Variants in CRAMP1 observed in about 807,000 individuals in gnomAD.
CRAMP1 encodes cramped chromatin regulator 1, also known as protein cramped-like.
In CRAMP1, 50 loss-of-function variants were observed where a neutral mutation model predicts 115.4. That is an observed-to-expected ratio of 0.43 (90% CI 0.35 to 0.55). The LOEUF is 0.55. CRAMP1 is among the 20% of genes least tolerant of loss of function. The probability of loss-of-function intolerance (pLI) is 0.01; values close to 1 mark genes in which losing one functional copy is unlikely to be tolerated. For synonymous variants in CRAMP1, 866 were observed against 745.4 expected (o/e 1.16, Z -2.64); for missense variants, 1,679 against 1,721.7 (o/e 0.98, Z 0.44).
intron 2 of CRAMP1, among the ~76,000 whole-genome samples, chr16:1,621,024 G>C (rs541368429): frequency 6.6e-6 from 1 of 152,260 alleles, no homozygotes; most frequent in South Asian, 2.1e-4. Context: ...GGAAGAAGCA[G>C]GGCATTTGAA....
intron 16 of CRAMP1, among the ~76,000 whole-genome samples, 161 bp from the exon 17 acceptor site, chr16:1,667,174 T>G (rs751604814): frequency 3.3e-5 from 5 of 152,230 alleles, no homozygotes; most frequent in Admixed American, 6.5e-5. Flanking sequence ...AAAGTAGCCT[T>G]TCAGTGTTCT....
rs1275540838 is a variant in CRAMP1, at chr16:1,632,238, G to C, written c.567G>C (p.Gln189His). 1 of 1,570,138 alleles carries C rather than the reference G, an allele frequency of 6.4e-7. No individual in the cohort carries two copies. Among genetic ancestry groups the C allele is most frequent in the Non-Finnish European group, 8.6e-7 (1 of 1,158,622 alleles). Reference sequence around the variant, plus strand: ...ATGGGAAAGACTTTGAAGCGATTCAGAACAACATTGCGCTGAAGTACAAGA... The same window carrying C: ...ATGGGAAAGACTTTGAAGCGATTCACAACAACATTGCGCTGAAGTACAAGA... The part of the protein sequence containing the change: ...YEHGKDFEAI[Q>H]NNIALKYKKK... The change falls in exon 4 of 21, where the codon CAG becomes CAC. Residue 189 changes from glutamine (Q) to histidine (H), a missense_variant. Gln to His is a conservative substitution (Grantham distance 24). Coordinates refer to ENST00000397412, the MANE Select transcript of CRAMP1 (RefSeq NM_020825.4).
chr16:1,616,556 C>G (rs572962982), intron 2 of CRAMP1, among the ~76,000 whole-genome samples: 3 of 152,152 alleles, frequency 2.0e-5, no homozygotes, highest in African/African-American at 7.2e-5. Context: ...CGTTAGTGAT[C>G]AGGTCAATTT....
At chr16:1,650,582 C>G (rs1016208939) in intron 6 of CRAMP1, among the ~76,000 whole-genome samples, 4 of 152,194 alleles carry the variant, frequency 2.6e-5, no homozygotes, top group Non-Finnish European at 5.9e-5. Flanking sequence ...GTGTGTCTTT[C>G]TGAATTTTTT....
At chr16:1,663,752 A>C (rs985559757) in intron 13 of CRAMP1, among the ~76,000 whole-genome samples, 2 of 152,164 alleles carry the variant, frequency 1.3e-5, no homozygotes, top group African/African-American at 4.8e-5. Flanking sequence ...AGCCCTTGGC[A>C]ACCACGGATC....
intron 1 of CRAMP1, among the ~76,000 whole-genome samples, chr16:1,612,910 C>T (rs907969773): frequency 6.6e-6 from 1 of 152,002 alleles, no homozygotes; most frequent in African/African-American, 2.4e-5. Context: ...GGAGGCCATC[C>T]CCCTGCTTGT....
At chr16:1,613,908 C>T (rs11640775) in intron 1 of CRAMP1, among the ~76,000 whole-genome samples, 25,213 of 152,086 alleles carry the variant, frequency 0.17, 2,685 homozygotes, top group South Asian at 0.25. Flanking sequence ...CCCAGAGACC[C>T]GGAGCTGATT....
At chr16:1,621,633 G>A (rs1455322711) in intron 2 of CRAMP1, among the ~76,000 whole-genome samples, 4 of 152,166 alleles carry the variant, frequency 2.6e-5, no homozygotes, top group Admixed American at 6.5e-5. Flanking sequence ...TCTAGGCTCC[G>A]TGGGACCCTG....
At chr16:1,658,075 G>A (rs550146722) in intron 10 of CRAMP1, among the ~76,000 whole-genome samples, 3 of 152,320 alleles carry the variant, frequency 2.0e-5, no homozygotes, top group East Asian at 1.9e-4. Context: ...CATTCCCCAC[G>A]CCTCCCGCTT....
At chr16:1,643,366 C>T (rs183265052) in intron 6 of CRAMP1, among the ~76,000 whole-genome samples, 66 of 152,244 alleles carry the variant, frequency 4.3e-4, no homozygotes, top group African/African-American at 1.5e-3. Context: ...CATGATGAAA[C>T]CCCGTCTCTG....
At position 1,662,471 on chromosome 16, in the gene CRAMP1, C is replaced by G. The variant is rs773435453; in HGVS notation, c.2414-19C>G. ...CTAGGTGAATGCTGTCACACTGATTCTCTCCTCTCCTCTCCCAGGTTTGAG... is the reference window on the plus strand; with the variant it reads ...CTAGGTGAATGCTGTCACACTGATTGTCTCCTCTCCTCTCCCAGGTTTGAG... On this transcript the variant is annotated intron_variant, in intron 11 of 20. Coordinates refer to ENST00000397412, the MANE Select transcript of CRAMP1 (RefSeq NM_020825.4). 21 of 1,598,286 alleles carry G rather than the reference C, an allele frequency of 1.3e-5. No individual in the cohort carries two copies. Among genetic ancestry groups the G allele is most frequent in the Admixed American group, 1.7e-5 (1 of 59,890 alleles).
chr16:1,620,220 G>T (rs1235491509), intron 2 of CRAMP1, among the ~76,000 whole-genome samples: 1 of 152,212 alleles, frequency 6.6e-6, no homozygotes, highest in Non-Finnish European at 1.5e-5. Context: ...GAATGCCTCA[G>T]GAGACTTGGA....
chr16:1,619,415 A>G (rs555032779), intron 2 of CRAMP1, among the ~76,000 whole-genome samples: 76 of 152,294 alleles, frequency 5.0e-4, no homozygotes, highest in Non-Finnish European at 8.7e-4. Context: ...TCCTGAGCTC[A>G]GGTGATCCGC....
intron 6 of CRAMP1, among the ~76,000 whole-genome samples, chr16:1,641,694 C>T (rs890183773): frequency 1.4e-4 from 21 of 152,234 alleles, no homozygotes; most frequent in South Asian, 4.1e-4. Flanking sequence ...CACAAACAAC[C>T]GGGCCCCTGA....
Position 1,656,490 on chromosome 16 carries a change from G to A in CRAMP1, c.1733G>A (p.Arg578His), listed in dbSNP as rs747324517. ...GACCTCATTGTCCCCGAGCAGTGCCGCTGTGCGGACACACGGCCTGGGAGC... is the reference window on the plus strand; with the variant it reads ...GACCTCATTGTCCCCGAGCAGTGCCACTGTGCGGACACACGGCCTGGGAGC... ...CQDLIVPEQC[R>H]CADTRPGSEQ... Residue 578 changes from arginine (R) to histidine (H), a missense_variant, in exon 10 of 21, where the codon CGC becomes CAC. Physicochemically the swap from Arg to His is conservative, Grantham distance 29. Coordinates refer to ENST00000397412, the MANE Select transcript of CRAMP1 (RefSeq NM_020825.4). This position sits in a 1 kb window ranked among gnomAD's most constrained non-coding sequence, Gnocchi z 5.6. 30 of 1,575,444 alleles carry A rather than the reference G, an allele frequency of 1.9e-5. No homozygotes were observed. In the East Asian group the frequency reaches 2.4e-4, roughly 12 times the overall value.
chr16:1,627,391 C>T (rs1188527767), intron 3 of CRAMP1, among the ~76,000 whole-genome samples: 1 of 152,126 alleles, frequency 6.6e-6, no homozygotes, highest in Admixed American at 6.5e-5. Context: ...GGCAATCTGC[C>T]CACTTTGGCC....
rs1453433881 is a variant in CRAMP1, at chr16:1,672,620, C to CA, written c.3646-1260dup. Among the ~76,000 whole-genome samples the CA allele has an allele frequency of 6.6e-6, 1 of 152,180 alleles. No homozygotes were observed. Among genetic ancestry groups the CA allele is most frequent in the Non-Finnish European group, 1.5e-5 (1 of 68,042 alleles). Reference sequence around the variant, plus strand: ...TCAAAGCATAAAATTTCATTTACGCCATAGCTCTATTCAGAATTTTCCAGA... The same window carrying CA: ...TCAAAGCATAAAATTTCATTTACGCCAATAGCTCTATTCAGAATTTTCCAGA... On this transcript the variant is annotated intron_variant, in intron 20 of 20. Transcript: ENST00000397412. The surrounding 1 kb of genome is among the most constrained non-coding windows in gnomAD (Gnocchi z 4.9).
In CRAMP1 at chr16:1,662,824, C is replaced by T. The variant is rs1444447558; in HGVS notation, c.2659C>T (p.Leu887=). The T allele has an allele frequency of 6.2e-7, 1 of 1,613,764 alleles. No individual in the cohort carries two copies. The highest frequency in any genetic ancestry group is 8.5e-7 in the Non-Finnish European group (1 of 1,179,834). ...GCGGAACCGGCACCTGCGGAAGCCA[C>T]TGGTGGTCCAGGTCAGGGTCTTCTC... The part of the protein sequence containing the change: ...KLRNRHLRKP[L]VVQRTLLPRP... Residue 887 remains leucine, a synonymous_variant, in exon 13 of 21, where the codon CTG becomes TTG. Transcript: ENST00000397412.
chr16:1,648,213 T>G (rs2036692926), intron 6 of CRAMP1, among the ~76,000 whole-genome samples: 1 of 152,220 alleles, frequency 6.6e-6, no homozygotes, highest in Non-Finnish European at 1.5e-5. Context: ...GCCAGCTGTT[T>G]AAATCTTGCC....
Sources: gnomAD v4.1 joint callset for allele counts (sites outside exome capture counted in the v4.1 genomes callset) on GRCh38, gnomAD v4.1.1 for gene constraint, Gnocchi (gnomAD v3.1) non-coding constraint, MANE v1.5 for transcripts, NCBI Gene and HGNC (gene_info 2026-07-23, HGNC 2026-07-21) for gene names.